The following GFPT2 variants were observed in gnomAD, a reference collection of about 807,000 sequenced individuals.
The protein encoded by GFPT2 is glutamine--fructose-6-phosphate aminotransferase [isomerizing] 2.
A neutral mutation model predicts 85.6 loss-of-function variants in GFPT2; 62 were observed. The observed-to-expected ratio is 0.72, with a 90% CI of 0.59 to 0.90. The LOEUF is 0.90. GFPT2 is among the 40% of genes least tolerant of loss of function. The pLI is 0.00. For missense variants in GFPT2, 788 were observed against 893.4 expected, an observed-to-expected ratio of 0.88 and a Z score of 1.50; for synonymous variants, 368 against 344.5, an observed-to-expected ratio of 1.07 and a Z score of -0.75.
rs1234205973 is a variant in GFPT2 at position 180,307,313 on chromosome 5, G to A, written c.1547-10C>T. ...ACTTCCTTGATCAGCTCTGGGCCAT[G>A]CACGGAGCAGAGGGAGAAAACCAGT... On this transcript the variant is annotated splice_polypyrimidine_tract_variant and intron_variant, in intron 15 of 18. Coordinates refer to ENST00000253778, the MANE Select transcript of GFPT2 (RefSeq NM_005110.4). The A allele has an allele frequency of 1.9e-6, 3 of 1,613,616 alleles. No individual in the cohort carries two copies. The highest frequency in any genetic ancestry group is 1.7e-6 in the Non-Finnish European group (2 of 1,179,582).
chr5:180,347,655 C>T (rs761021346), intron 1 of GFPT2, among the ~76,000 whole-genome samples: 1 of 152,106 alleles, frequency 6.6e-6, no homozygotes, highest in Non-Finnish European at 1.5e-5. Context: ...TGAAGGGGCA[C>T]GCAGGCAGGG....
intron 1 of GFPT2, among the ~76,000 whole-genome samples, chr5:180,340,376 T>C (rs1049364721): frequency 2.0e-5 from 3 of 150,704 alleles, no homozygotes; most frequent in African/African-American, 4.9e-5. Flanking sequence ...CTGGCTAATT[T>C]TGTATTTTTA....
At chr5:180,324,163 A>G in intron 9 of GFPT2, 25 bp downstream of exon 9, 1 of 1,200,864 alleles carries the variant, frequency 8.3e-7, no homozygotes, top group Non-Finnish European at 1.2e-6. Flanking sequence ...AATCCCAGGA[A>G]GCGAAGAGAA....
intron 1 of GFPT2, among the ~76,000 whole-genome samples, chr5:180,350,698 A>T (rs1273853041): frequency 6.6e-6 from 1 of 152,200 alleles, no homozygotes; most frequent in Non-Finnish European, 1.5e-5. Context: ...GCAAAATGCC[A>T]GCAACTTTCA....
intron 5 of GFPT2, 37 bp downstream of exon 5, chr5:180,331,458 C>T (rs1162160099): frequency 7.9e-7 from 1 of 1,273,558 alleles, no homozygotes; most frequent in East Asian, 2.3e-5. Context: ...AGACCAATCC[C>T]ACCGGACTGA....
At chr5:180,342,644 G>A (rs953109106) in intron 1 of GFPT2, among the ~76,000 whole-genome samples, 2 of 152,040 alleles carry the variant, frequency 1.3e-5, no homozygotes, top group African/African-American at 4.8e-5. Flanking sequence ...GCTCACGCCT[G>A]TAATCCTAGC....
chr5:180,310,499 C>G (rs1054560569), intron 15 of GFPT2, among the ~76,000 whole-genome samples: 43 of 151,808 alleles, frequency 2.8e-4, no homozygotes, highest in African/African-American at 9.9e-4. Context: ...CAACCTCTGC[C>G]TCCTGGGTTC....
intron 9 of GFPT2, among the ~76,000 whole-genome samples, chr5:180,322,593 C>G (rs1211955140): frequency 6.6e-6 from 1 of 152,160 alleles, no homozygotes; most frequent in Non-Finnish European, 1.5e-5. Context: ...GTGGCTAAGG[C>G]CAGGATATAG....
chr5:180,331,311 T>C (rs1764295608), intron 5 of GFPT2, 184 bp downstream of exon 5: 1 of 600,154 alleles, frequency 1.7e-6, no homozygotes, highest in African/African-American at 1.9e-5. Context: ...TGTTATCTCC[T>C]CAAACGAGAT....
At position 180,301,473 on chromosome 5, in the gene GFPT2, T is replaced by C; in HGVS notation, c.*91A>G. On this transcript the variant is annotated 3_prime_UTR_variant, in exon 19 of 19. Transcript: ENST00000253778. ...ACAGGAGCACGCAGAACATGTGGGATGTCCACTTCTCTTCCCATGTAGCAT... is the reference window on the plus strand; with the variant it reads ...ACAGGAGCACGCAGAACATGTGGGACGTCCACTTCTCTTCCCATGTAGCAT... 1 of 1,078,122 alleles carries C rather than the reference T, an allele frequency of 9.3e-7. No homozygotes were observed. The highest frequency in any genetic ancestry group is 1.4e-6 in the Non-Finnish European group (1 of 693,168). 66.8% of individuals were successfully genotyped at this position (1,078,122 alleles called of 1,614,324 possible).
chr5:180,332,246 C>T (rs13158872), intron 4 of GFPT2, among the ~76,000 whole-genome samples: 194 of 67,100 alleles, frequency 2.9e-3, no homozygotes, highest in African/African-American at 9.1e-3. Context: ...GGCGGGGGGG[C>T]GGGGGGAGCA....
At position 180,323,839 on chromosome 5, in the gene GFPT2, C is replaced by A. The variant is rs553884997; in HGVS notation, c.794+349G>T. Among the ~76,000 whole-genome samples the A allele has an allele frequency of 8.5e-5, 13 of 152,190 alleles. No homozygotes were observed. The highest frequency in any genetic ancestry group is 1.6e-4 in the Non-Finnish European group (11 of 68,026). On this transcript the variant is annotated intron_variant, in intron 9 of 18. Transcript: ENST00000253778. This position sits in a 1 kb window ranked among gnomAD's most constrained non-coding sequence, Gnocchi z 4.0. ...ACCTGAGAGAGGGCTGCACAGCATGCCCCGATCTGCTAGTTCTTCCAGAGA... is the reference window on the plus strand; with the variant it reads ...ACCTGAGAGAGGGCTGCACAGCATGACCCGATCTGCTAGTTCTTCCAGAGA...
intron 18 of GFPT2, 80 bp downstream of exon 18, chr5:180,302,343 C>A: frequency 4.1e-6 from 4 of 985,084 alleles, no homozygotes; most frequent in Admixed American, 2.2e-5. Context: ...TGACTATTTA[C>A]TCCAAGTATT....
At position 180,301,349 on chromosome 5, in the gene GFPT2, T is replaced by C. The variant is rs1292038453; in HGVS notation, c.*215A>G. ...TGCTCTGATCCCCATGTGTAAACAA[T>C]GATTCCCTTCTCCTCTGGCGACTTC... On this transcript the variant is annotated 3_prime_UTR_variant, in exon 19 of 19. Transcript: ENST00000253778. 2 of 600,214 alleles carry C rather than the reference T, an allele frequency of 3.3e-6. No individual in the cohort carries two copies. Among genetic ancestry groups the C allele is most frequent in the African/African-American group, 3.7e-5 (2 of 53,892 alleles). The allele number at this position is 600,214 out of a possible 1,614,324, so 37.2% of individuals were successfully genotyped here. A position where few individuals can be genotyped will look rare whatever the true frequency, so the allele number is the denominator to read the frequency against.
intron 1 of GFPT2, chr5:180,352,485 C>T (rs1356906994): frequency 2.2e-6 from 1 of 451,654 alleles, no homozygotes; most frequent in Admixed American, 2.4e-5. Context: ...CCCCACGGTC[C>T]CGCAGCCACG....
At chr5:180,315,608 C>T (rs1453923496) in intron 13 of GFPT2, among the ~76,000 whole-genome samples, 4 of 152,104 alleles carry the variant, frequency 2.6e-5, no homozygotes, top group Admixed American at 6.5e-5. Context: ...TGTGTCCGAC[C>T]GGCACAAGAT....
intron 4 of GFPT2, among the ~76,000 whole-genome samples, chr5:180,332,837 G>A (rs1467640340): frequency 6.6e-6 from 1 of 152,182 alleles, no homozygotes; most frequent in African/African-American, 2.4e-5. Flanking sequence ...ACTGTGCCTG[G>A]TCTATTGACT....
intron 14 of GFPT2, 73 bp downstream of exon 14, chr5:180,313,734 G>A (rs530303355): frequency 7.0e-5 from 96 of 1,364,312 alleles, no homozygotes; most frequent in Non-Finnish European, 4.0e-6. Flanking sequence ...AGAGCAGGCC[G>A]GAGGAGGGCG....
At chr5:180,329,025 A>T (rs1764260439) in intron 6 of GFPT2, among the ~76,000 whole-genome samples, 1 of 152,190 alleles carries the variant, frequency 6.6e-6, no homozygotes, top group African/African-American at 2.4e-5. Flanking sequence ...CAGCTCTCCT[A>T]ACACAAGAGG....
Sources: allele counts gnomAD v4.1 joint callset (sites outside exome capture counted in the v4.1 genomes callset), GRCh38; gene constraint gnomAD v4.1.1; non-coding constraint Gnocchi (gnomAD v3.1); transcripts MANE v1.5; gene names NCBI Gene and HGNC (gene_info 2026-07-23, HGNC 2026-07-21).